ST13: variants seen among roughly 807,000 people sequenced by gnomAD.
The protein encoded by ST13 is ST13 Hsp70 interacting protein.
ST13 carries 23 observed loss-of-function variants against 56.7 expected under a neutral mutation model. The ratio of observed to expected loss-of-function variants is 0.41; its 90% CI spans 0.29 to 0.57. The LOEUF (loss-of-function observed/expected upper bound fraction) is 0.57, where lower values mean the gene tolerates loss of function less well. Among genes scored for constraint, ST13 ranks in the 20% least tolerant of loss-of-function variants. ST13 has a pLI of 0.36. For missense variants in ST13, 369 were observed against 459.9 expected (o/e 0.80, Z 1.81); for synonymous variants, 132 against 142.4 (o/e 0.93, Z 0.52).
chr22:40,838,898 A>G (rs1830622140), intron 5 of ST13, among the ~76,000 whole-genome samples: 2 of 139,166 alleles, frequency 1.4e-5, no homozygotes, highest in South Asian at 2.4e-4. Context: ...CCAGAGAAAC[A>G]GTATAGCATA....
chr22:40,831,873 A>T (rs999205403), intron 8 of ST13, among the ~76,000 whole-genome samples: 1 of 152,182 alleles, frequency 6.6e-6, no homozygotes, highest in African/African-American at 2.4e-5. Context: ...TGTTTTATTA[A>T]GACAGCCTCG....
rs2057745115 is a variant in ST13, at chr22:40,829,688, G to A, written c.799-14C>T. ...GGCTTCTTCCTCCTTTGATACAAAA[G>A]GAAATAAATTATATAATAGAAGAAG... On this transcript the variant is annotated splice_polypyrimidine_tract_variant and intron_variant, in intron 9 of 11. Coordinates refer to ENST00000216218, the MANE Select transcript of ST13 (RefSeq NM_003932.5). 1 of 1,429,266 alleles carries A rather than the reference G, an allele frequency of 7.0e-7. No homozygotes were observed. Among genetic ancestry groups the A allele is most frequent in the Non-Finnish European group, 9.4e-7 (1 of 1,059,826 alleles). The allele number at this position is 1,429,266 out of a possible 1,614,324, so 88.5% of individuals were successfully genotyped here. A position where few individuals can be genotyped will look rare whatever the true frequency, so the allele number is the denominator to read the frequency against.
At chr22:40,848,753 AAAC>A (rs1253032427) in intron 2 of ST13, among the ~76,000 whole-genome samples, 2 of 152,208 alleles carry the variant, frequency 1.3e-5, no homozygotes, top group Non-Finnish European at 2.9e-5. Context: ...AAAAATAAAA[AAAC>A]AACTGTTCAA....
At chr22:40,832,221 G>C in intron 8 of ST13, 1 of 474,456 alleles carries the variant, frequency 2.1e-6, no homozygotes, top group South Asian at 1.5e-5. Context: ...ACACACCTAT[G>C]ATAAATAAGG....
rs893109803 is a variant in ST13 at position 40,856,493 on chromosome 22, A to G, written c.48T>C (p.Cys16=). ...VNELRAFVKM[C]KQDPSVLHTE... ...TGTGCAGAACGCTCGGATCCTGCTT[A>G]CACATTTTCACAAAGGCCCGAAGCT... is the stretch of plus-strand genomic sequence containing the variant. Residue 16 remains cysteine (C), a synonymous_variant, in exon 1 of 12, where the codon TGT becomes TGC. Coordinates refer to ENST00000216218, the MANE Select transcript of ST13 (RefSeq NM_003932.5). 4 of 1,613,282 alleles carry G rather than the reference A, an allele frequency of 2.5e-6. No homozygotes were observed. The African/African-American group carries it at 5.3e-5, about 22-fold the overall frequency.
rs779212374 is a variant in ST13, at chr22:40,826,565, C to G, written c.1083G>C (p.Leu361Phe). The G allele has an allele frequency of 1.3e-6, 2 of 1,599,410 alleles. No individual in the cohort carries two copies. Among genetic ancestry groups the G allele is most frequent in the African/African-American group, 2.7e-5 (2 of 74,846 alleles). Residue 361 changes from leucine to phenylalanine, a missense_variant, in exon 12 of 12, where the codon TTG becomes TTC. Around this residue, in one of 3 missense-constraint regions of ST13, gnomAD observed 136 missense variants for 159.2 expected, o/e 0.85. Transcript: ENST00000216218. ...ACGCTTGACCTCCAAATTTGGCTGA[C>G]AATTTACTGATGAGATTCATAACCT... ...NPKVMNLISKLSAKFGGQA is the reference protein window; with the variant it reads ...NPKVMNLISKFSAKFGGQA
chr22:40,844,759 A>T, intron 4 of ST13, 80 bp downstream of exon 4: 7 of 1,200,360 alleles, frequency 5.8e-6, no homozygotes, highest in Non-Finnish European at 7.2e-6. Flanking sequence ...TTCCTGGAAG[A>T]ATCGTGTCAT....
chr22:40,840,610 CA>C lies in ST13; in HGVS notation c.382+15del, dbSNP rs1351945843. On this transcript the variant is annotated intron_variant, in intron 5 of 11. Coordinates refer to ENST00000216218, the MANE Select transcript of ST13 (RefSeq NM_003932.5). ...TATTCTGACTACCATAGAAATGTAG[CA>C]AAAAGATTACTCACCATCATTTAGG... 6.2e-7 allele frequency: 1 copy of C among 1,604,594 alleles called. No individual in the cohort carries two copies. Among genetic ancestry groups the C allele is most frequent in the African/African-American group, 1.3e-5 (1 of 74,504 alleles).
Position 40,843,749 on chromosome 22 carries a change from T to C in ST13, c.315+1090A>G, listed in dbSNP as rs1002792410. On this transcript the variant is annotated intron_variant, in intron 4 of 11. Coordinates refer to ENST00000216218, the MANE Select transcript of ST13 (RefSeq NM_003932.5). The stretch of plus-strand genomic sequence containing the variant: ...CAACAAATTATTAGCATCCAGAATA[T>C]TGAAATGAAATACAAAGCAGTAAGA... Among the ~76,000 whole-genome samples, 12 of 152,050 alleles carry C rather than the reference T, an allele frequency of 7.9e-5. No individual in the cohort carries two copies. The South Asian group carries it at 1.9e-3, about 24-fold the overall frequency.
At chr22:40,831,053 G>A (rs766801640) in intron 8 of ST13, 97 bp from the exon 9 acceptor site, 10 of 802,928 alleles carry the variant, frequency 1.2e-5, no homozygotes, top group Non-Finnish European at 2.0e-5. Context: ...TCAACATGCA[G>A]TTCAGAAAAA....
chr22:40,829,713 G>T (rs376929147), intron 9 of ST13, 39 bp from the exon 10 acceptor site: 7 of 1,228,328 alleles, frequency 5.7e-6, no homozygotes, highest in Middle Eastern at 2.4e-4. Flanking sequence ...AATAGAAGAA[G>T]AAATAAGTGC....
At chr22:40,853,929 A>C (rs1357407713) in intron 1 of ST13, among the ~76,000 whole-genome samples, 1 of 152,206 alleles carries the variant, frequency 6.6e-6, no homozygotes, top group Non-Finnish European at 1.5e-5. Flanking sequence ...AATATCTCAA[A>C]ACACAGTTCT....
Position 40,848,201 on chromosome 22 carries a change from T to C in ST13, c.244+93A>G, listed in dbSNP as rs1022688789. On this transcript the variant is annotated intron_variant, in intron 3 of 11. Coordinates refer to ENST00000216218, the MANE Select transcript of ST13 (RefSeq NM_003932.5). Reference sequence around the variant, plus strand: ...AGTTTCATATGTGCCATTATATTTCTATTACACAGTGCTGATTTAAGTCAC... The same window carrying C: ...AGTTTCATATGTGCCATTATATTTCCATTACACAGTGCTGATTTAAGTCAC... 8.2e-6 allele frequency: 7 copies of C among 851,100 alleles called. No individual in the cohort carries two copies. In the African/African-American group the frequency reaches 8.4e-5, roughly 10 times the overall value. The allele number at this position is 851,100 out of a possible 1,614,324, so 52.7% of individuals were successfully genotyped here.
At chr22:40,850,213 G>C (rs549532734) in intron 2 of ST13, among the ~76,000 whole-genome samples, 1 of 152,348 alleles carries the variant, frequency 6.6e-6, no homozygotes, top group Non-Finnish European at 1.5e-5. Context: ...AGCCGAGATT[G>C]TACCAGTGCA....
intron 1 of ST13, among the ~76,000 whole-genome samples, chr22:40,853,536 C>T (rs934476831): frequency 1.3e-5 from 2 of 152,120 alleles, no homozygotes; most frequent in Admixed American, 1.3e-4. Context: ...GCACTACAGG[C>T]TTTTTTATGT....
In ST13 at chr22:40,835,894, T is replaced by A. The variant is rs1389291453; in HGVS notation, c.383-7A>T. ...ATGGCTTTCTGGAGTTCACCTAAAGTGAAACAAAAGTTATCGAGAAATATT... is the reference window on the plus strand; with the variant it reads ...ATGGCTTTCTGGAGTTCACCTAAAGAGAAACAAAAGTTATCGAGAAATATT... On this transcript the variant is annotated splice_polypyrimidine_tract_variant and splice_region_variant and intron_variant, in intron 5 of 11. Coordinates refer to ENST00000216218, the MANE Select transcript of ST13 (RefSeq NM_003932.5). The A allele has an allele frequency of 1.2e-6, 2 of 1,605,208 alleles. No homozygotes were observed. Among genetic ancestry groups the A allele is most frequent in the African/African-American group, 2.7e-5 (2 of 74,666 alleles).
chr22:40,829,931 G>C (rs2057746491), intron 9 of ST13, among the ~76,000 whole-genome samples: 1 of 152,080 alleles, frequency 6.6e-6, no homozygotes, highest in South Asian at 2.1e-4. Context: ...ACAATTTATA[G>C]TACTAATATG....
intron 4 of ST13, among the ~76,000 whole-genome samples, chr22:40,842,819 T>C (rs2057810855): frequency 6.6e-6 from 1 of 152,152 alleles, no homozygotes; most frequent in Non-Finnish European, 1.5e-5. Flanking sequence ...CTTTGACAAA[T>C]GGTGACAGAA....
chr22:40,845,442 A>C (rs543685963), intron 3 of ST13, among the ~76,000 whole-genome samples: 2 of 152,274 alleles, frequency 1.3e-5, no homozygotes, highest in African/African-American at 2.4e-5. Context: ...TAGGATTCCA[A>C]GCATGAGCCA....
Sources: allele counts gnomAD v4.1 joint callset (sites outside exome capture counted in the v4.1 genomes callset), GRCh38; gene constraint gnomAD v4.1.1; regional missense constraint gnomAD v4.1.1; transcripts MANE v1.5; gene names NCBI Gene and HGNC (gene_info 2026-07-23, HGNC 2026-07-21).